AKT3: variants seen among roughly 807,000 people sequenced by gnomAD.
AKT3 encodes AKT serine/threonine kinase 3, also known as RAC-gamma serine/threonine-protein kinase.
A neutral mutation model predicts 65.3 loss-of-function variants in AKT3; 15 were observed. That is an observed-to-expected ratio of 0.23 (90% confidence interval 0.15 to 0.35). The LOEUF (loss-of-function observed/expected upper bound fraction) is 0.35. Ranked by LOEUF, AKT3 falls within the 10% of genes least tolerant of loss-of-function variation. AKT3 has a pLI of 1.00. For missense variants in AKT3, 243 were observed against 576.5 expected (o/e 0.42, Z 5.92); for synonymous variants, 206 against 183.8 (o/e 1.12, Z -0.98).
chr1:243,725,352 G>A (rs1169457773), intron 2 of AKT3, among the ~76,000 whole-genome samples: 1 of 152,176 alleles, frequency 6.6e-6, no homozygotes, highest in Non-Finnish European at 1.5e-5. Context: ...ATAACTTGAA[G>A]GGTTGATGAG....
chr1:243,671,937 A>G (rs950315069), intron 3 of AKT3, among the ~76,000 whole-genome samples: 36 of 152,234 alleles, frequency 2.4e-4, no homozygotes, highest in African/African-American at 8.7e-4. Context: ...CTTAAAAATC[A>G]GTAATCATCT....
At chr1:243,576,184 ATCGCTTCATGTTAAAAATTC>A (rs1024939941) in intron 8 of AKT3, among the ~76,000 whole-genome samples, 13 of 152,212 alleles carry the variant, frequency 8.5e-5, no homozygotes, top group Admixed American at 5.2e-4. Context: ...AAAATTCAAC[ATCGCTTCATGTTAAAAATTC>A]TCAGTAAACT....
chr1:243,748,004 C>T (rs534252433), intron 2 of AKT3, among the ~76,000 whole-genome samples: 1 of 152,212 alleles, frequency 6.6e-6, no homozygotes, highest in Admixed American at 6.5e-5. Flanking sequence ...TACTAAGGCC[C>T]AACGGTTCTA....
At chr1:243,510,402 C>T (rs1422405168) in intron 13 of AKT3, among the ~76,000 whole-genome samples, 1 of 152,060 alleles carries the variant, frequency 6.6e-6, no homozygotes, top group Non-Finnish European at 1.5e-5. Context: ...TAGACACTAA[C>T]CAAACAAACA....
At chr1:243,642,468 C>T (rs1680485227) in intron 5 of AKT3, among the ~76,000 whole-genome samples, 1 of 152,296 alleles carries the variant, frequency 6.6e-6, no homozygotes, top group East Asian at 1.9e-4. Context: ...CGCCACCACG[C>T]CTGGTTAATT....
Position 243,504,636 on chromosome 1 carries a change from TTATA to T in AKT3, c.*609_*612del, listed in dbSNP as rs139770173. 7.3e-4 allele frequency: 119 copies of T among 163,982 alleles called. No homozygotes were observed. The highest frequency in any genetic ancestry group is 5.0e-3 in the Middle Eastern group (2 of 400). The allele number at this position is 163,982 out of a possible 1,614,324, so 10.2% of individuals were successfully genotyped here. ...CCACCAGGAATTTAAAAAAAAAAAA[TTATA>T]TATATATATATATATCCCAACAGTT... On this transcript the variant is annotated 3_prime_UTR_variant, in exon 14 of 14. Coordinates refer to ENST00000673466, the MANE Select transcript of AKT3 (RefSeq NM_005465.7).
chr1:243,689,382 G>A (rs1684543530), intron 3 of AKT3, among the ~76,000 whole-genome samples: 1 of 151,578 alleles, frequency 6.6e-6, no homozygotes, highest in South Asian at 2.1e-4. Context: ...CAAGTCATAA[G>A]CTTTTTCTCT....
intron 2 of AKT3, chr1:243,814,856 C>T (rs557294402): frequency 6.6e-6 from 1 of 152,356 alleles, no homozygotes; most frequent in East Asian, 1.9e-4. Flanking sequence ...GATCAGCACT[C>T]CTGTTCAAAC....
intron 4 of AKT3, among the ~76,000 whole-genome samples, chr1:243,648,705 G>C (rs1367007769): frequency 6.6e-6 from 1 of 152,082 alleles, no homozygotes; most frequent in Non-Finnish European, 1.5e-5. Context: ...GTCTGGGCTT[G>C]GAACCTTTGA....
At chr1:243,749,157 C>A (rs547765023) in intron 2 of AKT3, among the ~76,000 whole-genome samples, 1 of 152,096 alleles carries the variant, frequency 6.6e-6, no homozygotes, top group East Asian at 1.9e-4. Context: ...TTTTTCTAAT[C>A]CACTTTTTCT....
At chr1:243,826,797 G>A (rs1480499403) in intron 2 of AKT3, among the ~76,000 whole-genome samples, 2 of 152,080 alleles carry the variant, frequency 1.3e-5, no homozygotes, top group Admixed American at 1.3e-4. Context: ...ATTTTCAGCA[G>A]AATGCCAACC....
intron 4 of AKT3, among the ~76,000 whole-genome samples, chr1:243,657,122 G>C (rs969116443): frequency 6.6e-6 from 1 of 152,094 alleles, no homozygotes; most frequent in Non-Finnish European, 1.5e-5. Flanking sequence ...GCCTTCATGA[G>C]GTCATGATAG....
chr1:243,775,540 TC>T (rs1690494402), intron 2 of AKT3, among the ~76,000 whole-genome samples: 1 of 152,074 alleles, frequency 6.6e-6, no homozygotes, highest in African/African-American at 2.4e-5. Flanking sequence ...CTGTGTCTCC[TC>T]CCCACCTGTG....
At chr1:243,499,677 G>T, downstream of AKT3, 1 of 1,150,910 alleles carries the variant, frequency 8.7e-7, no homozygotes, top group South Asian at 1.2e-5. Flanking sequence ...CATAAAAGGT[G>T]ACTAAACCAG....
At chr1:243,600,866 C>T (rs1006939707) in intron 8 of AKT3, among the ~76,000 whole-genome samples, 1 of 151,956 alleles carries the variant, frequency 6.6e-6, no homozygotes, top group African/African-American at 2.4e-5. Flanking sequence ...ATTGTGTTTC[C>T]TCTAATTTAG....
At chr1:243,518,080 G>A (rs962194088) in intron 12 of AKT3, among the ~76,000 whole-genome samples, 5 of 152,092 alleles carry the variant, frequency 3.3e-5, no homozygotes, top group Admixed American at 1.3e-4. Context: ...GAACTGGAGC[G>A]GCAAAAACCT....
At chr1:243,655,928 C>T (rs1485983159) in intron 4 of AKT3, among the ~76,000 whole-genome samples, 1 of 152,074 alleles carries the variant, frequency 6.6e-6, no homozygotes, top group African/African-American at 2.4e-5. Context: ...ACAGTTTTGG[C>T]CCAATAAATC....
At chr1:243,700,490 AC>A (rs1418773197) in intron 2 of AKT3, among the ~76,000 whole-genome samples, 2 of 148,070 alleles carry the variant, frequency 1.4e-5, no homozygotes, top group African/African-American at 4.9e-5. Flanking sequence ...ATTATTTTGG[AC>A]CTCAGGCTTA....
intron 2 of AKT3, among the ~76,000 whole-genome samples, chr1:243,813,156 ACCC>A (rs1368963968): frequency 6.6e-6 from 1 of 152,126 alleles, no homozygotes; most frequent in Non-Finnish European, 1.5e-5. Context: ...GTGCACATGT[ACCC>A]TAGAACTTAA....
Sources: allele counts gnomAD v4.1 joint callset (sites outside exome capture counted in the v4.1 genomes callset), GRCh38; gene constraint gnomAD v4.1.1; transcripts MANE v1.5; gene names NCBI Gene and HGNC (gene_info 2026-07-23, HGNC 2026-07-21).